The following TSC22D4 variants were observed in gnomAD, a reference collection of about 807,000 sequenced individuals.
TSC22D4 encodes TSC22 domain family member 4.
In TSC22D4, 5 loss-of-function variants were observed where a neutral mutation model predicts 24.9. The observed-to-expected ratio is 0.20, with a 90% confidence interval of 0.10 to 0.42. TSC22D4 has a LOEUF of 0.42. Ranked by LOEUF, TSC22D4 falls within the 10% of genes least tolerant of loss-of-function variation. TSC22D4 has a pLI of 1.00. For synonymous variants in TSC22D4, 245 were observed against 243.2 expected, an observed-to-expected ratio of 1.01 and a Z score of -0.07; for missense variants, 469 against 547.9, an observed-to-expected ratio of 0.86 and a Z score of 1.44.
intron 3 of TSC22D4, among the ~76,000 whole-genome samples, chr7:100,471,443 T>G (rs1799390411): frequency 6.6e-6 from 1 of 152,124 alleles, no homozygotes; most frequent in Non-Finnish European, 1.5e-5. Flanking sequence ...TTGGGCAAGT[T>G]TCTAAAACCC....
At chr7:100,467,745 G>A in intron 3 of TSC22D4, 145 bp from the exon 4 acceptor site, 1 of 889,758 alleles carries the variant, frequency 1.1e-6, no homozygotes, top group Non-Finnish European at 1.8e-6. Flanking sequence ...TCCCCCTGCG[G>A]GTTGAAGGCC....
At position 100,466,914 on chromosome 7, in the gene TSC22D4, G is replaced by A. The variant is rs1395089163; in HGVS notation, c.*45C>T. The A allele has an allele frequency of 5.4e-6, 8 of 1,476,864 alleles. No individual in the cohort carries two copies. Among genetic ancestry groups the A allele is most frequent in the East Asian group, 4.9e-5 (2 of 40,426 alleles). The allele number at this position is 1,476,864 out of a possible 1,614,324, so 91.5% of individuals were successfully genotyped here. A position where few individuals can be genotyped will look rare whatever the true frequency, so the allele number is the denominator to read the frequency against. ...TAGGAAGAGGGGGCAGGCGGCTGAC[G>A]CAAGGCCGGGCAGCCCCAAAGGCAC... On this transcript the variant is annotated 3_prime_UTR_variant, in exon 5 of 5. Transcript: ENST00000300181.
chr7:100,471,266 G>A (rs1366623517), intron 3 of TSC22D4, among the ~76,000 whole-genome samples: 1 of 152,110 alleles, frequency 6.6e-6, no homozygotes, highest in Non-Finnish European at 1.5e-5. Flanking sequence ...GCCCTGCTTG[G>A]GAGAGCTGTA....
At chr7:100,467,226 G>T in intron 4 of TSC22D4, 58 bp from the exon 5 acceptor site, 1 of 1,548,168 alleles carries the variant, frequency 6.5e-7, no homozygotes, top group South Asian at 1.1e-5. Context: ...CCCCTGCCCA[G>T]TGCCTTGAGG....
Position 100,478,059 on chromosome 7 carries a change from G to C in TSC22D4, c.-21C>G. 1 of 1,580,102 alleles carries C rather than the reference G, an allele frequency of 6.3e-7. No individual in the cohort carries two copies. The highest frequency in any genetic ancestry group is 2.3e-5 in the East Asian group (1 of 43,994). On this transcript the variant is annotated 5_prime_UTR_variant, in exon 2 of 5. Transcript: ENST00000300181. Reference sequence around the variant, plus strand: ...CTCATGGTCCCTGGGGCTCAGGGCTGGGCCAAGGTTGGGGGTGGGTTGGGG... The same window carrying C: ...CTCATGGTCCCTGGGGCTCAGGGCTCGGCCAAGGTTGGGGGTGGGTTGGGG...
rs367603764 is a variant in TSC22D4, at chr7:100,467,796, A to G, written c.930-196T>C. 4.7e-5 allele frequency: 33 copies of G among 702,352 alleles called. 1 individual carries two copies. Among genetic ancestry groups the G allele is most frequent in the South Asian group, 4.6e-4 (30 of 65,670 alleles). 43.5% of individuals were successfully genotyped at this position (702,352 alleles called of 1,614,324 possible). ...CCAGGCCCCGGTGGGGCGGGGGCCC[A>G]GATGTCCCTCGGATGGGGGATGCAC... On this transcript the variant is annotated intron_variant, in intron 3 of 4. Transcript: ENST00000300181.
intron 3 of TSC22D4, among the ~76,000 whole-genome samples, chr7:100,472,864 G>A (rs1799420475): frequency 6.6e-6 from 1 of 152,096 alleles, no homozygotes; most frequent in African/African-American, 2.4e-5. Flanking sequence ...ATCTGGGGAG[G>A]ACAGGAAGGA....
intron 3 of TSC22D4, among the ~76,000 whole-genome samples, chr7:100,468,961 C>T (rs543734141): frequency 6.6e-6 from 1 of 150,760 alleles, no homozygotes; most frequent in South Asian, 2.1e-4. Flanking sequence ...TGTGGTGGCT[C>T]ACGCTTGTAA....
chr7:100,469,345 G>GAGC (rs1322123652), intron 3 of TSC22D4, among the ~76,000 whole-genome samples: 1 of 152,148 alleles, frequency 6.6e-6, no homozygotes, highest in Admixed American at 6.6e-5. Flanking sequence ...CTGGGAAGAG[G>GAGC]AGCAACAGGG....
chr7:100,467,336 AAGAC>A, intron 4 of TSC22D4, 168 bp from the exon 5 acceptor site: 1 of 874,478 alleles, frequency 1.1e-6, no homozygotes, highest in Non-Finnish European at 1.8e-6. Flanking sequence ...TCAGGGCTCA[AAGAC>A]AGAGATGGGG....
chr7:100,472,768 T>G (rs1275953781), intron 3 of TSC22D4, among the ~76,000 whole-genome samples: 1 of 97,300 alleles, frequency 1.0e-5, no homozygotes, highest in East Asian at 3.2e-4. Context: ...CCTGGCCACC[T>G]CCTTTGCCAG....
rs143258652 is a variant in TSC22D4 at position 100,478,874 on chromosome 7, G to C, written c.-350C>G. 1,442 of 152,452 alleles carry C rather than the reference G, an allele frequency of 9.5e-3. 12 individuals are homozygous for C. The highest frequency in any genetic ancestry group is 0.014 in the Non-Finnish European group (966 of 68,150). 9.4% of individuals were successfully genotyped at this position (152,452 alleles called of 1,614,324 possible). On this transcript the variant is annotated 5_prime_UTR_variant, in exon 1 of 5. Transcript: ENST00000300181. ...GGCTGTCCGTTCCCTGGGGCCTCCT[G>C]GCCATGGGCAGTGGCGGGGCACGCA...
chr7:100,478,346 A>T (rs1409086080), intron 1 of TSC22D4, 39 bp from the exon 2 acceptor site: 13 of 269,932 alleles, frequency 4.8e-5, no homozygotes, highest in African/African-American at 2.7e-4. Flanking sequence ...AGAGAGAGAG[A>T]GAGAGTGTGT....
Position 100,479,133 on chromosome 7 carries a change from AC to A in TSC22D4, c.-610del, listed in dbSNP as rs1447661317. ...GGTGTCCCGAGTCTCCTCCCGCGTG[AC>A]CCTGCTGGGTCCGTGTCTCCGCTCC... On this transcript the variant is annotated 5_prime_UTR_variant, in exon 1 of 5. Transcript: ENST00000300181. The A allele has an allele frequency of 1.3e-4, 20 of 152,090 alleles. No homozygotes were observed. Among genetic ancestry groups the A allele is most frequent in the African/African-American group, 4.6e-4 (19 of 41,296 alleles). 9.4% of individuals were successfully genotyped at this position (152,090 alleles called of 1,614,324 possible). A position where few individuals can be genotyped will look rare whatever the true frequency, so the allele number is the denominator to read the frequency against.
intron 3 of TSC22D4, among the ~76,000 whole-genome samples, chr7:100,473,053 C>G (rs1799423872): frequency 6.6e-6 from 1 of 152,142 alleles, no homozygotes; most frequent in East Asian, 1.9e-4. Flanking sequence ...TCCTATCAGT[C>G]CCCGGGGAGA....
At chr7:100,471,779 T>C (rs1292697241) in intron 3 of TSC22D4, among the ~76,000 whole-genome samples, 1 of 151,970 alleles carries the variant, frequency 6.6e-6, no homozygotes, top group East Asian at 1.9e-4. Flanking sequence ...AAAAACCTCC[T>C]TCTCTGAGTC....
At chr7:100,467,621 G>A (rs746264808) in intron 3 of TSC22D4, 21 bp from the exon 4 acceptor site, 18 of 1,613,658 alleles carry the variant, frequency 1.1e-5, no homozygotes, top group Non-Finnish European at 1.4e-5. Flanking sequence ...ACAGGAAGGT[G>A]AGGGGAGGAG....
chr7:100,477,619 TG>T lies in TSC22D4; in HGVS notation c.419del (p.Pro140HisfsTer77). 1 of 1,597,478 alleles carries T rather than the reference TG, an allele frequency of 6.3e-7. No individual in the cohort carries two copies. ...TGGGGCCCTGAGACAGGCCTGACGG[TG>T]GGGTGGGGGCGCCCAGGCCGAGGCT... ...LASLGLGAPT[P>X]PSGLSQGPTS... On this transcript the variant is annotated frameshift_variant, in exon 2 of 5. Coordinates refer to ENST00000300181, the MANE Select transcript of TSC22D4 (RefSeq NM_030935.5). LOFTEE classifies it high-confidence loss of function. The surrounding 1 kb of genome is among the most constrained non-coding windows in gnomAD (Gnocchi z 7.8).
At position 100,467,050 on chromosome 7, in the gene TSC22D4, C is replaced by T. The variant is rs750757880; in HGVS notation, c.1097G>A (p.Arg366His). The change falls in exon 5 of 5, where the codon CGC becomes CAC. Residue 366 changes from arginine to histidine, a missense_variant. Arg to His is a conservative substitution (Grantham distance 29). Transcript: ENST00000300181. ...AALEQENGLL[R>H]ALASPEQLAQ... is the part of the protein sequence containing the mutation. ...CAGCTGCTCCGGGCTGGCCAGGGCG[C>T]GCAGCAGCCCATTCTCCTGCTCCAG... The T allele has an allele frequency of 2.7e-5, 44 of 1,613,582 alleles. No individual in the cohort carries two copies. The highest frequency in any genetic ancestry group is 1.6e-4 in the Middle Eastern group (1 of 6,080).
Sources: gnomAD v4.1 joint callset for allele counts (sites outside exome capture counted in the v4.1 genomes callset) on GRCh38, gnomAD v4.1.1 for gene constraint, Gnocchi (gnomAD v3.1) non-coding constraint, MANE v1.5 for transcripts, NCBI Gene and HGNC (gene_info 2026-07-23, HGNC 2026-07-21) for gene names.